The following GPR39 variants were observed in gnomAD, a reference collection of about 807,000 sequenced individuals.
The protein encoded by GPR39 is G protein-coupled receptor 39.
A neutral mutation model predicts 18.4 loss-of-function variants in GPR39; 23 were observed. The ratio of observed to expected loss-of-function variants is 1.25; its 90% CI spans 0.90 to 1.77. The LOEUF is 1.77. Ranked by LOEUF, GPR39 falls within the 40% of genes most tolerant of loss-of-function variation. GPR39 has a pLI of 0.00. For missense variants in GPR39, 647 were observed against 602.4 expected (o/e 1.07, Z -0.78); for synonymous variants, 280 against 257.9 (o/e 1.09, Z -0.82).
intron 1 of GPR39, among the ~76,000 whole-genome samples, chr2:132,602,704 A>G (rs994531871): frequency 1.3e-5 from 2 of 151,978 alleles, no homozygotes; most frequent in African/African-American, 4.8e-5. Context: ...AAACTGAATA[A>G]TCTGATGTAA....
chr2:132,480,554 A>T (rs1014846849), intron 1 of GPR39, among the ~76,000 whole-genome samples: 28 of 152,304 alleles, frequency 1.8e-4, no homozygotes, highest in African/African-American at 6.5e-4. Context: ...TAACTAGGGC[A>T]GGGACAGGAG....
rs769557799 is a variant in GPR39 at position 132,645,150 on chromosome 2, G to A, written c.906G>A (p.Arg302=). Residue 302 remains arginine (R), a synonymous_variant, in exon 2 of 2, where the codon CGG becomes CGA. Transcript: ENST00000329321. ...LAVCWMPNQI[R]RIMAAAKPKH... ...TATGCTGGATGCCCAACCAGATTCG[G>A]AGGATCATGGCTGCGGCCAAACCCA... 39 of 1,614,038 alleles carry A rather than the reference G, an allele frequency of 2.4e-5. No homozygotes were observed. Among genetic ancestry groups the A allele is most frequent in the Admixed American group, 3.3e-5 (2 of 60,010 alleles).
intron 1 of GPR39, among the ~76,000 whole-genome samples, chr2:132,522,915 T>C (rs2104768297): frequency 6.6e-6 from 1 of 152,346 alleles, no homozygotes; most frequent in Admixed American, 6.5e-5. Flanking sequence ...GAAAACTGCC[T>C]GGAAGCTGCC....
At position 132,556,730 on chromosome 2, in the gene GPR39, T is replaced by G. The variant is rs961293502; in HGVS notation, c.857-88371T>G. Among the ~76,000 whole-genome samples the G allele has an allele frequency of 2.0e-5, 3 of 152,280 alleles. No individual in the cohort carries two copies. The East Asian group carries it at 5.8e-4, about 29-fold the overall frequency. ...CTCCCCCTCCACACAGTCTCCTTAA[T>G]CTACCCCCACTTGGACAATTCTACT... On this transcript the variant is annotated intron_variant, in intron 1 of 1. Coordinates refer to ENST00000329321, the MANE Select transcript of GPR39 (RefSeq NM_001508.3).
chr2:132,472,825 C>T lies in GPR39; in HGVS notation c.856+54927C>T, dbSNP rs555285841. 3.9e-5 allele frequency among the ~76,000 whole-genome samples: 6 copies of T among 152,152 alleles called. No homozygotes were observed. The East Asian group carries it at 1.2e-3, about 29-fold the overall frequency. ...TAGCTTGTAATGGAGGTCATACAGT[C>T]TAGTGTTTCAAGGTCAAATGTTAGT... On this transcript the variant is annotated intron_variant, in intron 1 of 1. Coordinates refer to ENST00000329321, the MANE Select transcript of GPR39 (RefSeq NM_001508.3).
chr2:132,488,136 GACTT>G (rs762444929), intron 1 of GPR39, among the ~76,000 whole-genome samples: 5 of 152,204 alleles, frequency 3.3e-5, no homozygotes, highest in Admixed American at 6.5e-5. Context: ...CTTTCTCCTG[GACTT>G]ACTTTCTTTC....
chr2:132,425,908 G>A (rs1361831889), intron 1 of GPR39, among the ~76,000 whole-genome samples: 1 of 152,150 alleles, frequency 6.6e-6, no homozygotes, highest in African/African-American at 2.4e-5. Context: ...AAAGAATTCA[G>A]CCTGGCCTAC....
At chr2:132,478,392 G>A (rs564381746) in intron 1 of GPR39, among the ~76,000 whole-genome samples, 37 of 117,076 alleles carry the variant, frequency 3.2e-4, no homozygotes, top group Non-Finnish European at 7.6e-4. Context: ...TCAGGCCACA[G>A]AACACAGATC....
At chr2:132,632,525 T>C (rs902939991) in intron 1 of GPR39, among the ~76,000 whole-genome samples, 2 of 152,178 alleles carry the variant, frequency 1.3e-5, no homozygotes, top group Non-Finnish European at 2.9e-5. Flanking sequence ...AGGTATGCTT[T>C]CCAGACAAAG....
intron 1 of GPR39, among the ~76,000 whole-genome samples, chr2:132,565,296 C>T (rs368416519): frequency 3.9e-5 from 6 of 152,024 alleles, no homozygotes; most frequent in South Asian, 2.1e-4. Context: ...AGTGAAACAT[C>T]GCTCAAGTTG....
At position 132,417,986 on chromosome 2, in the gene GPR39, A is replaced by T. The variant is rs904711914; in HGVS notation, c.856+88A>T. On this transcript the variant is annotated intron_variant, in intron 1 of 1. Coordinates refer to ENST00000329321, the MANE Select transcript of GPR39 (RefSeq NM_001508.3). Reference sequence around the variant, plus strand: ...ACTGCCTGTGGCCCTCTCCAGGGCAAGTCTTGCCCTAGAATTGCACACTTA... The same window carrying T: ...ACTGCCTGTGGCCCTCTCCAGGGCATGTCTTGCCCTAGAATTGCACACTTA... 3 of 1,477,426 alleles carry T rather than the reference A, an allele frequency of 2.0e-6. No individual in the cohort carries two copies. In the African/African-American group the frequency reaches 4.2e-5, roughly 21 times the overall value. 91.5% of individuals were successfully genotyped at this position (1,477,426 alleles called of 1,614,324 possible). A position where few individuals can be genotyped will look rare whatever the true frequency, so the allele number is the denominator to read the frequency against.
rs116744062 is a variant in GPR39 at position 132,558,979 on chromosome 2, A to T, written c.857-86122A>T. ...GTGTTAAGCCCCAAAAGAAATAGAA[A>T]AAAGGCAAAGGACCTGATTTTCATA... On this transcript the variant is annotated intron_variant, in intron 1 of 1. Transcript: ENST00000329321. Among the ~76,000 whole-genome samples the T allele has an allele frequency of 9.6e-3, 1,464 of 152,314 alleles. 24 individuals are homozygous for T. Among genetic ancestry groups the T allele is most frequent in the African/African-American group, 0.034 (1,393 of 41,558 alleles).
At chr2:132,610,191 T>C (rs1184011167) in intron 1 of GPR39, among the ~76,000 whole-genome samples, 2 of 152,158 alleles carry the variant, frequency 1.3e-5, no homozygotes, top group East Asian at 1.9e-4. Context: ...CAAGTCCACA[T>C]AGAGAATCTA....
At chr2:132,450,143 C>T (rs1680607073) in intron 1 of GPR39, among the ~76,000 whole-genome samples, 1 of 152,188 alleles carries the variant, frequency 6.6e-6, no homozygotes, top group Non-Finnish European at 1.5e-5. Flanking sequence ...CAAGGAAGAC[C>T]TGACGTGGCA....
Position 132,523,487 on chromosome 2 carries a change from A to AT in GPR39, c.856+105589_856+105590insT, listed in dbSNP as rs746072826. On this transcript the variant is annotated intron_variant, in intron 1 of 1. Transcript: ENST00000329321. ...GGAAAAAGTAATGTAGAAAAAAAAA[A>AT]GGAGTCCAATCCTAGCCCTGCCATC... 5.9e-5 allele frequency: 9 copies of AT among 152,000 alleles called. No homozygotes were observed. The East Asian group carries it at 1.7e-3, about 29-fold the overall frequency. 9.4% of individuals were successfully genotyped at this position (152,000 alleles called of 1,614,324 possible).
At chr2:132,544,996 A>C (rs1435060396) in intron 1 of GPR39, among the ~76,000 whole-genome samples, 1 of 152,238 alleles carries the variant, frequency 6.6e-6, no homozygotes, top group Non-Finnish European at 1.5e-5. Context: ...CGTGGGGAAC[A>C]ATCAGCGGAA....
intron 1 of GPR39, among the ~76,000 whole-genome samples, chr2:132,494,924 T>A (rs574601209): frequency 6.6e-6 from 1 of 152,024 alleles, no homozygotes; most frequent in Non-Finnish European, 1.5e-5. Context: ...TGGAACTGGG[T>A]TTTGAGACAA....
chr2:132,561,725 C>T (rs1573668384), intron 1 of GPR39, among the ~76,000 whole-genome samples: 1 of 152,130 alleles, frequency 6.6e-6, no homozygotes, highest in East Asian at 1.9e-4. Context: ...AGTCCAAAGG[C>T]CTGAGAACCA....
At chr2:132,524,503 G>A (rs1161869011) in intron 1 of GPR39, among the ~76,000 whole-genome samples, 1 of 152,172 alleles carries the variant, frequency 6.6e-6, no homozygotes, top group African/African-American at 2.4e-5. Flanking sequence ...CCTGCACTTT[G>A]CCATTGATCA....
Sources: allele counts gnomAD v4.1 joint callset (sites outside exome capture counted in the v4.1 genomes callset), GRCh38; gene constraint gnomAD v4.1.1; transcripts MANE v1.5; gene names NCBI Gene and HGNC (gene_info 2026-07-23, HGNC 2026-07-21).